The following IQSEC1 variants were observed in gnomAD, a reference collection of about 807,000 sequenced individuals.
The protein encoded by IQSEC1 is IQ motif and Sec7 domain ArfGEF 1.
In IQSEC1, 31 loss-of-function variants were observed where a neutral mutation model predicts 91.0. That is an observed-to-expected ratio of 0.34 (90% CI 0.26 to 0.46). IQSEC1 has a LOEUF of 0.46. IQSEC1 is among the 20% of genes least tolerant of loss of function. The probability of loss-of-function intolerance (pLI) is 1.00; values close to 1 mark genes in which losing one functional copy is unlikely to be tolerated. For synonymous variants in IQSEC1, 699 were observed against 662.6 expected, an observed-to-expected ratio of 1.05 and a Z score of -0.84; for missense variants, 1,388 against 1,575.6, an observed-to-expected ratio of 0.88 and a Z score of 2.02.
Position 12,922,307 on chromosome 3 carries a change from C to T in IQSEC1, c.1731-65G>A, listed in dbSNP as rs914862083. Reference sequence around the variant, plus strand: ...CAGGTGCGACACGCCCAGCCCACCCCCAGGTGGTGGTGCCTGAAGCCCTGG... The same window carrying T: ...CAGGTGCGACACGCCCAGCCCACCCTCAGGTGGTGGTGCCTGAAGCCCTGG... On this transcript the variant is annotated intron_variant, in intron 4 of 13. Coordinates refer to ENST00000613206, the MANE Select transcript of IQSEC1 (RefSeq NM_001134382.3). This position sits in a 1 kb window ranked among gnomAD's most constrained non-coding sequence, Gnocchi z 5.1. 1 of 1,456,756 alleles carries T rather than the reference C, an allele frequency of 6.9e-7. No individual in the cohort carries two copies. The highest frequency in any genetic ancestry group is 2.2e-5 in the Admixed American group (1 of 45,494). 90.2% of individuals were successfully genotyped at this position (1,456,756 alleles called of 1,614,324 possible).
At chr3:13,257,798 G>T (rs528864516) in intron 1 of IQSEC1, among the ~76,000 whole-genome samples, 1 of 152,182 alleles carries the variant, frequency 6.6e-6, no homozygotes, top group African/African-American at 2.4e-5. Context: ...CCTGCCACAC[G>T]GCCCAGCAAT....
In IQSEC1 at chr3:13,014,487, G is replaced by A. The variant is rs200477938; in HGVS notation, c.23+58505C>T. On this transcript the variant is annotated intron_variant, in intron 1 of 13. Transcript: ENST00000613206. Reference sequence around the variant, plus strand: ...GCAGCCTTCTGTCTGCAGCGTGGGGGCAGGGGTGAAGGTGCCCATTGCTTC... The same window carrying A: ...GCAGCCTTCTGTCTGCAGCGTGGGGACAGGGGTGAAGGTGCCCATTGCTTC... 3.5e-4 allele frequency among the ~76,000 whole-genome samples: 53 copies of A among 152,340 alleles called. No homozygotes were observed. In the East Asian group the frequency reaches 9.7e-3, roughly 28 times the overall value.
At chr3:13,143,261 C>T (rs1203519602) in intron 2 of IQSEC1, among the ~76,000 whole-genome samples, 2 of 152,212 alleles carry the variant, frequency 1.3e-5, no homozygotes, top group Non-Finnish European at 2.9e-5. Context: ...GGAGAAGGAG[C>T]AGGCCTCGAA....
chr3:13,211,615 A>G lies in IQSEC1; in HGVS notation c.273-47482T>C, dbSNP rs2125063712. On this transcript the variant is annotated intron_variant, in intron 1 of 15. Transcript: ENST00000648114. This position sits in a 1 kb window ranked among gnomAD's most constrained non-coding sequence, Gnocchi z 5.3. ...ACCATCCTTGCCTCTCCATGGCCCC[A>G]AAAGAAAGTCTGATCCCCTCAGCCT... Among the ~76,000 whole-genome samples the G allele has an allele frequency of 6.6e-6, 1 of 152,250 alleles. No homozygotes were observed. The highest frequency in any genetic ancestry group is 1.9e-4 in the East Asian group (1 of 5,168).
At chr3:13,137,747 C>T (rs888886986) in intron 2 of IQSEC1, among the ~76,000 whole-genome samples, 4 of 152,164 alleles carry the variant, frequency 2.6e-5, no homozygotes, top group Non-Finnish European at 5.9e-5. Flanking sequence ...CGCTTGAGCG[C>T]AGGAGTTGAA....
chr3:13,066,859 G>A (rs1054819132), intron 1 of IQSEC1, among the ~76,000 whole-genome samples: 8 of 152,386 alleles, frequency 5.2e-5, no homozygotes, highest in East Asian at 3.9e-4. Flanking sequence ...GTGTCAGGAC[G>A]TGGACTAGAT....
At chr3:12,903,618 C>T (rs1694626709) in intron 12 of IQSEC1, among the ~76,000 whole-genome samples, 2 of 152,246 alleles carry the variant, frequency 1.3e-5, no homozygotes, top group African/African-American at 2.4e-5. Context: ...CCAGGTCTTC[C>T]TCTTGGCTCT....
At chr3:12,943,221 C>T (rs911525644) in intron 1 of IQSEC1, among the ~76,000 whole-genome samples, 6 of 152,142 alleles carry the variant, frequency 3.9e-5, no homozygotes, top group South Asian at 2.1e-4. Context: ...TGGTCCCCTC[C>T]GCCTCACCAC....
At chr3:12,911,290 T>C (rs1460595937) in intron 10 of IQSEC1, among the ~76,000 whole-genome samples, 1 of 152,264 alleles carries the variant, frequency 6.6e-6, no homozygotes, top group Non-Finnish European at 1.5e-5. Flanking sequence ...TTCTGGGCCA[T>C]GTTTGCATAT....
chr3:12,994,224 G>A lies in IQSEC1; in HGVS notation c.24-52359C>T, dbSNP rs1358851634. Among the ~76,000 whole-genome samples the A allele has an allele frequency of 6.7e-6, 1 of 148,160 alleles. No individual in the cohort carries two copies. Among genetic ancestry groups the A allele is most frequent in the Non-Finnish European group, 1.5e-5 (1 of 66,586 alleles). ...GCCCGAGCCCGATACCAGCGCCACC[G>A]GCGGGGCGGCCTCCCCGCGCGCCGC... is the stretch of plus-strand genomic sequence containing the variant. On this transcript the variant is annotated intron_variant, in intron 1 of 13. Coordinates refer to ENST00000613206, the MANE Select transcript of IQSEC1 (RefSeq NM_001134382.3). This position sits in a 1 kb window ranked among gnomAD's most constrained non-coding sequence, Gnocchi z 4.5.
At chr3:12,941,524 G>A (rs1314544444) in intron 2 of IQSEC1, 47 bp downstream of exon 2, 1 of 1,479,014 alleles carries the variant, frequency 6.8e-7, no homozygotes, top group Non-Finnish European at 9.1e-7. Context: ...GGTGGGCAGA[G>A]CTGCCCTGCG....
intron 1 of IQSEC1, among the ~76,000 whole-genome samples, chr3:13,065,648 A>C (rs1705206568): frequency 6.6e-6 from 1 of 152,240 alleles, no homozygotes. Context: ...AAGGTAAAGC[A>C]GTGCAGCTGC....
intron 1 of IQSEC1, among the ~76,000 whole-genome samples, chr3:12,977,193 A>G (rs1463854947): frequency 6.6e-6 from 1 of 151,414 alleles, no homozygotes; most frequent in Admixed American, 6.6e-5. Context: ...CTAAAAATAT[A>G]AAAAATTAGC....
chr3:13,100,868 C>T (rs1706045795), intron 2 of IQSEC1, among the ~76,000 whole-genome samples: 1 of 148,810 alleles, frequency 6.7e-6, no homozygotes. Flanking sequence ...ACAAAGGATG[C>T]TTTGAAAGGC....
At chr3:13,112,866 G>A (rs360741) in intron 2 of IQSEC1, among the ~76,000 whole-genome samples, 78,665 of 152,228 alleles carry the variant, frequency 0.52, 22,642 homozygotes, top group African/African-American at 0.78. Flanking sequence ...TGAGGTTCAC[G>A]TCGTCACTGA....
intron 1 of IQSEC1, among the ~76,000 whole-genome samples, chr3:13,071,452 A>C (rs989275835): frequency 6.6e-6 from 1 of 152,138 alleles, no homozygotes; most frequent in Non-Finnish European, 1.5e-5. Context: ...GAGAGTTTAG[A>C]ATTTCTCTGG....
Position 12,900,360 on chromosome 3 carries a change from T to C in IQSEC1, c.*623A>G. 2.0e-6 allele frequency: 2 copies of C among 985,080 alleles called. No individual in the cohort carries two copies. The highest frequency in any genetic ancestry group is 2.4e-6 in the Non-Finnish European group (2 of 829,860). 61.0% of individuals were successfully genotyped at this position (985,080 alleles called of 1,614,324 possible). A position where few individuals can be genotyped will look rare whatever the true frequency, so the allele number is the denominator to read the frequency against. ...TCACACACCCAGCTAAGGTACTGTC[T>C]TCCTATTAGGTAAGTGGAGCTCCTT... On this transcript the variant is annotated 3_prime_UTR_variant, in exon 14 of 14. Transcript: ENST00000613206.
At chr3:13,093,139 GCA>G (rs1705892305) in intron 2 of IQSEC1, among the ~76,000 whole-genome samples, 1 of 152,136 alleles carries the variant, frequency 6.6e-6, no homozygotes, top group South Asian at 2.1e-4. Context: ...CCTGCCCAGG[GCA>G]CAGTCTGTGG....
At chr3:13,190,528 C>T (rs1443708462) in intron 1 of IQSEC1, among the ~76,000 whole-genome samples, 1 of 147,932 alleles carries the variant, frequency 6.8e-6, no homozygotes, top group Admixed American at 6.8e-5. Context: ...TGTACTCCAG[C>T]CTGGGTGACA....
Sources: allele counts gnomAD v4.1 joint callset (sites outside exome capture counted in the v4.1 genomes callset), GRCh38; gene constraint gnomAD v4.1.1; non-coding constraint Gnocchi (gnomAD v3.1); transcripts MANE v1.5; gene names NCBI Gene and HGNC (gene_info 2026-07-23, HGNC 2026-07-21).